Variants in DROSHA observed in about 807,000 individuals in gnomAD.
The protein encoded by DROSHA is ribonuclease 3.
A neutral mutation model predicts 181.9 loss-of-function variants in DROSHA; 56 were observed. That is an observed-to-expected ratio of 0.31 (90% CI 0.25 to 0.38). The LOEUF is 0.38. DROSHA is among the 10% of genes least tolerant of loss of function. DROSHA has a pLI of 1.00. For synonymous variants in DROSHA, 524 were observed against 591.2 expected (o/e 0.89, Z 1.65); for missense variants, 1,218 against 1,743.5 (o/e 0.70, Z 5.37).
intron 27 of DROSHA, among the ~76,000 whole-genome samples, chr5:31,427,156 C>T (rs1053822598): frequency 6.6e-6 from 1 of 152,070 alleles, no homozygotes; most frequent in African/African-American, 2.4e-5. Context: ...ACACTTTTTC[C>T]AGTTTCTGCA....
At position 31,466,206 on chromosome 5, in the gene DROSHA, G is replaced by A. The variant is rs763495476; in HGVS notation, c.2442C>T (p.Asp814=). 2 of 1,613,632 alleles carry A rather than the reference G, an allele frequency of 1.2e-6. No individual in the cohort carries two copies. The highest frequency in any genetic ancestry group is 1.7e-6 in the Non-Finnish European group (2 of 1,179,720). ...LANSPKVKQT[D]KQKLAQREEA... ...CCTCCCTCTGTGCCAGCTTCTGTTT[G>A]TCAGTTTGTTTGACTTTGGGACTAT... The change falls in exon 19 of 36, where the codon GAC becomes GAT. Residue 814 remains aspartate (D), a synonymous_variant. Coordinates refer to ENST00000344624, the MANE Select transcript of DROSHA (RefSeq NM_001382508.1).
At position 31,424,682 on chromosome 5, in the gene DROSHA, C is replaced by T. The variant is rs567368778; in HGVS notation, c.3217-211G>A. Among the ~76,000 whole-genome samples the T allele has an allele frequency of 7.2e-5, 11 of 152,116 alleles. No homozygotes were observed. The East Asian group carries it at 9.6e-4, about 13-fold the overall frequency. On this transcript the variant is annotated intron_variant, in intron 27 of 35. Transcript: ENST00000344624. ...TGACTCTAATTAGCCTATTAAGCTA[C>T]GGGGGAAAAGAGCCTCCTCTAGTCC...
chr5:31,511,331 A>G (rs1738641873), intron 8 of DROSHA, among the ~76,000 whole-genome samples, 155 bp from the exon 9 acceptor site: 1 of 152,214 alleles, frequency 6.6e-6, no homozygotes, highest in Non-Finnish European at 1.5e-5. Context: ...ATGCTCAAGT[A>G]CTGGCAATCA....
intron 20 of DROSHA, among the ~76,000 whole-genome samples, chr5:31,461,626 C>A (rs938463889): frequency 6.6e-6 from 1 of 152,080 alleles, no homozygotes; most frequent in Non-Finnish European, 1.5e-5. Flanking sequence ...CCAGTTCATT[C>A]TGGAACAAGG....
Position 31,493,288 on chromosome 5 carries a change from G to C in DROSHA, c.1761C>G (p.Asp587Glu). 14 of 1,597,100 alleles carry C rather than the reference G, an allele frequency of 8.8e-6. No individual in the cohort carries two copies. The highest frequency in any genetic ancestry group is 1.2e-5 in the Non-Finnish European group (14 of 1,172,640). ...CATCGTATTCTATAACAGTTGGCCT[G>C]TCAGTCTAAAAGCAAACAGAAACAC... is the stretch of plus-strand genomic sequence containing the variant. Reference protein sequence around the residue: ...TVSPPTNFLTDRPTVIEYDDH... With the variant: ...TVSPPTNFLTERPTVIEYDDH... Residue 587 changes from aspartate (D) to glutamate (E), a missense_variant, in exon 13 of 36, where the codon GAC becomes GAG. Asp to Glu is a conservative substitution (Grantham distance 45, BLOSUM62 2). This residue lies in a region of DROSHA where 460 missense variants were observed against 774.2 expected (regional missense o/e 0.59). Transcript: ENST00000344624.
chr5:31,513,399 G>T (rs1389054246), intron 8 of DROSHA, among the ~76,000 whole-genome samples: 1 of 152,192 alleles, frequency 6.6e-6, no homozygotes. Flanking sequence ...TTAGTCAGGT[G>T]TTATTACTCC....
intron 20 of DROSHA, among the ~76,000 whole-genome samples, chr5:31,452,447 T>C (rs1295235455): frequency 1.8e-4 from 28 of 152,228 alleles, no homozygotes. Flanking sequence ...CATTTGGCTA[T>C]AAATTCCTTA....
At chr5:31,494,049 G>T (rs1362994894) in intron 12 of DROSHA, among the ~76,000 whole-genome samples, 1 of 150,958 alleles carries the variant, frequency 6.6e-6, no homozygotes, top group African/African-American at 2.4e-5. Flanking sequence ...GCTCACTACA[G>T]ACTCTGCCTC....
chr5:31,412,771 T>C (rs1192719530), intron 30 of DROSHA, among the ~76,000 whole-genome samples: 2 of 152,162 alleles, frequency 1.3e-5, no homozygotes, highest in African/African-American at 2.4e-5. Flanking sequence ...ATAACATTAA[T>C]ATAAGACCCA....
intron 11 of DROSHA, among the ~76,000 whole-genome samples, chr5:31,498,971 C>T (rs575458795): frequency 6.6e-6 from 1 of 152,146 alleles, no homozygotes; most frequent in African/African-American, 2.4e-5. Context: ...GGCTGTGCCA[C>T]GCAGACCCAC....
intron 28 of DROSHA, 193 bp from the exon 29 acceptor site, chr5:31,423,137 A>G: frequency 1.9e-6 from 1 of 539,950 alleles, no homozygotes; most frequent in Non-Finnish European, 3.1e-6. Context: ...GAAGGTTCAA[A>G]TAATATTTTC....
intron 24 of DROSHA, among the ~76,000 whole-genome samples, chr5:31,436,797 C>T (rs1744891903): frequency 7.9e-6 from 1 of 126,542 alleles, no homozygotes; most frequent in African/African-American, 3.0e-5. Flanking sequence ...CACACACACA[C>T]TAGAAAATCT....
At chr5:31,469,130 G>A (rs6450846) in intron 17 of DROSHA, among the ~76,000 whole-genome samples, 86,844 of 152,020 alleles carry the variant, frequency 0.57, 26,088 homozygotes, top group South Asian at 0.69. Context: ...AGGCCAAGGC[G>A]GGTGGATCAC....
At chr5:31,436,786 ACACACACACACT>A (rs1249872989) in intron 24 of DROSHA, among the ~76,000 whole-genome samples, 9 of 136,658 alleles carry the variant, frequency 6.6e-5, no homozygotes, top group South Asian at 4.8e-4. Context: ...ACACACACAC[ACACACACACACT>A]AGAAAATCTG....
intron 12 of DROSHA, among the ~76,000 whole-genome samples, chr5:31,495,076 C>T (rs1752820908): frequency 6.6e-6 from 1 of 151,854 alleles, no homozygotes; most frequent in Admixed American, 6.6e-5. Context: ...TTAAGTGATG[C>T]CAACAATATT....
In DROSHA at chr5:31,476,111, T is replaced by G. The variant is rs187144880; in HGVS notation, c.2072-3879A>C. On this transcript the variant is annotated intron_variant, in intron 16 of 35. Transcript: ENST00000344624. ...CGGGTGGGGTAGCTCACGCCTGTAA[T>G]CCCAGCACTTTGGGAGGCCAAGGTG... is the stretch of plus-strand genomic sequence containing the variant. 1.6e-4 allele frequency among the ~76,000 whole-genome samples: 25 copies of G among 152,300 alleles called. 1 individual carries two copies. Among genetic ancestry groups the G allele is most frequent in the African/African-American group, 5.8e-4 (24 of 41,566 alleles).
rs1580004702 is a variant in DROSHA, at chr5:31,416,481, G to A, written c.3525+4791C>T. 3.3e-5 allele frequency among the ~76,000 whole-genome samples: 5 copies of A among 152,168 alleles called. 1 individual carries two copies. The highest frequency in any genetic ancestry group is 3.3e-4 in the Admixed American group (5 of 15,292). The stretch of plus-strand genomic sequence containing the variant: ...CTCAAAGAACTTCTAGTCCATTGGG[G>A]TAGGCAAACTGAGGTAAAGGCCAGG... On this transcript the variant is annotated intron_variant, in intron 30 of 35. Transcript: ENST00000344624.
chr5:31,449,954 A>T (rs1195908831), intron 21 of DROSHA, among the ~76,000 whole-genome samples: 1 of 152,210 alleles, frequency 6.6e-6, no homozygotes, highest in Non-Finnish European at 1.5e-5. Context: ...ACTAAAACAA[A>T]TCAGCAAGAA....
At chr5:31,507,317 A>T (rs1488575042) in intron 10 of DROSHA, among the ~76,000 whole-genome samples, 1 of 152,132 alleles carries the variant, frequency 6.6e-6, no homozygotes, top group South Asian at 2.1e-4. Flanking sequence ...AAAATTGGCC[A>T]GGCGTGGAGG....
Sources: allele counts gnomAD v4.1 joint callset (sites outside exome capture counted in the v4.1 genomes callset), GRCh38; gene constraint gnomAD v4.1.1; regional missense constraint gnomAD v4.1.1; transcripts MANE v1.5; gene names NCBI Gene and HGNC (gene_info 2026-07-23, HGNC 2026-07-21).